The following PAPSS2 variants were observed in gnomAD, a reference collection of about 807,000 sequenced individuals.
PAPSS2 encodes the protein 3'-phosphoadenosine 5'-phosphosulfate synthase 2, also known as bifunctional 3'-phosphoadenosine 5'-phosphosulfate synthase 2.
Under a neutral mutation model 66.5 loss-of-function variants are expected in PAPSS2, and 61 were observed. The ratio of observed to expected loss-of-function variants is 0.92; its 90% CI spans 0.75 to 1.14. The LOEUF is 1.14. Among genes scored for constraint, PAPSS2 ranks in the 50% most tolerant of loss-of-function variants. PAPSS2 has a pLI of 0.00. For missense variants in PAPSS2, 708 were observed against 789.6 expected, an observed-to-expected ratio of 0.90 and a Z score of 1.24; for synonymous variants, 289 against 287.5, an observed-to-expected ratio of 1.01 and a Z score of -0.05.
chr10:87,739,652 T>C (rs1179990120), intron 9 of PAPSS2, among the ~76,000 whole-genome samples: 1 of 152,214 alleles, frequency 6.6e-6, no homozygotes, highest in Non-Finnish European at 1.5e-5. Context: ...AGTTCAAAAC[T>C]GTGTTCATAA....
chr10:87,660,817 A>T, intron 1 of PAPSS2, among the ~76,000 whole-genome samples: 1 of 66,258 alleles, frequency 1.5e-5, no homozygotes, highest in African/African-American at 5.3e-5. Context: ...AAAAAAAAAA[A>T]AAAAAAAAAA....
chr10:87,706,108 A>ATATATGTGTGTG, intron 1 of PAPSS2, among the ~76,000 whole-genome samples: 8 of 52,018 alleles, frequency 1.5e-4, no homozygotes, highest in African/African-American at 8.0e-4. Flanking sequence ...ATATATATAT[A>ATATATGTGTGTG]TGTGTGTGTG....
intron 1 of PAPSS2, among the ~76,000 whole-genome samples, chr10:87,700,613 A>C (rs1853290893): frequency 6.6e-6 from 1 of 151,654 alleles, no homozygotes; most frequent in African/African-American, 2.4e-5. Flanking sequence ...AGCCAGGATC[A>C]CACCACTGCA....
In PAPSS2 at chr10:87,660,395, C is replaced by G. The variant is rs574244275; in HGVS notation, c.27+387C>G. The G allele has an allele frequency of 5.1e-5, 17 of 331,822 alleles. No homozygotes were observed. In the East Asian group the frequency reaches 8.1e-4, roughly 16 times the overall value. The allele number at this position is 331,822 out of a possible 1,614,324, so 20.6% of individuals were successfully genotyped here. On this transcript the variant is annotated intron_variant, in intron 1 of 12. Transcript: ENST00000456849. Reference sequence around the variant, plus strand: ...TCTCGGAGCAGATCGAGCTGACTCCCGTTCTGCCAGGTCTGGTCGCTGGGG... The same window carrying G: ...TCTCGGAGCAGATCGAGCTGACTCCGGTTCTGCCAGGTCTGGTCGCTGGGG...
At chr10:87,724,244 T>A (rs1853630488) in intron 8 of PAPSS2, among the ~76,000 whole-genome samples, 1 of 151,138 alleles carries the variant, frequency 6.6e-6, no homozygotes, top group South Asian at 2.1e-4. Flanking sequence ...TTTAGAAACA[T>A]TTCAAAATAG....
At chr10:87,743,123 G>T (rs756422783) in intron 10 of PAPSS2, among the ~76,000 whole-genome samples, 7 of 151,986 alleles carry the variant, frequency 4.6e-5, no homozygotes, top group African/African-American at 1.7e-4. Context: ...GCACACGCCT[G>T]TAATCCCAGC....
chr10:87,669,196 A>G (rs893834609), intron 1 of PAPSS2, among the ~76,000 whole-genome samples: 1 of 152,168 alleles, frequency 6.6e-6, no homozygotes, highest in Non-Finnish European at 1.5e-5. Context: ...TTGTTTTATT[A>G]AAAAAAGGGA....
chr10:87,738,617 C>T (rs946355838), intron 9 of PAPSS2, among the ~76,000 whole-genome samples: 44 of 152,222 alleles, frequency 2.9e-4, no homozygotes, highest in African/African-American at 1.0e-3. Flanking sequence ...ACCATGTTGC[C>T]CAGGCTGGTC....
intron 10 of PAPSS2, among the ~76,000 whole-genome samples, chr10:87,742,934 C>T (rs549853312): frequency 1.6e-4 from 25 of 152,332 alleles, no homozygotes; most frequent in Admixed American, 1.4e-3. Flanking sequence ...CAGGTGTATT[C>T]TCCAGCTGAT....
At chr10:87,712,884 C>A (rs1481964325) in intron 2 of PAPSS2, among the ~76,000 whole-genome samples, 191 bp from the exon 3 acceptor site, 2 of 152,026 alleles carry the variant, frequency 1.3e-5, no homozygotes, top group African/African-American at 4.8e-5. Context: ...ATAATCCTAA[C>A]ACAGGACAAA....
At chr10:87,685,020 CT>C (rs1180473986) in intron 1 of PAPSS2, among the ~76,000 whole-genome samples, 1 of 152,184 alleles carries the variant, frequency 6.6e-6, no homozygotes, top group African/African-American at 2.4e-5. Flanking sequence ...ATCTCTACCC[CT>C]GGGACTAAAG....
Position 87,727,470 on chromosome 10 carries a change from C to A in PAPSS2, c.1067C>A (p.Thr356Lys). 6.2e-7 allele frequency: 1 copy of A among 1,612,884 alleles called. No individual in the cohort carries two copies. The highest frequency in any genetic ancestry group is 1.1e-5 in the South Asian group (1 of 90,934). Residue 356 changes from threonine to lysine, a missense_variant, in exon 9 of 13, where the codon ACA (threonine) becomes AAA (lysine). Thr to Lys is a moderately conservative substitution (Grantham distance 78). Coordinates refer to ENST00000456849, the MANE Select transcript of PAPSS2 (RefSeq NM_001015880.2). ...TCCCGTGTTTGGGGGACAACATGTA[C>A]AAAACACCCCCATATCAAAGTAAGT... The part of the protein sequence containing the change: ...RCSRVWGTTC[T>K]KHPHIKMVME...
chr10:87,734,501 T>C (rs1042736242), intron 9 of PAPSS2, among the ~76,000 whole-genome samples: 1 of 151,770 alleles, frequency 6.6e-6, no homozygotes, highest in Non-Finnish European at 1.5e-5. Flanking sequence ...ATTTGGGTCT[T>C]GGCTTTGGTA....
chr10:87,690,763 A>G (rs1853162487), intron 1 of PAPSS2, among the ~76,000 whole-genome samples: 1 of 152,224 alleles, frequency 6.6e-6, no homozygotes, highest in African/African-American at 2.4e-5. Flanking sequence ...ACTAAGAGCC[A>G]GACCCTGTGC....
intron 1 of PAPSS2, among the ~76,000 whole-genome samples, chr10:87,661,672 A>G (rs974640182): frequency 3.9e-5 from 6 of 152,168 alleles, no homozygotes; most frequent in Admixed American, 2.6e-4. Flanking sequence ...GGTCATTACA[A>G]ATCAATTGCG....
Position 87,745,151 on chromosome 10 carries a change from C to T in PAPSS2, c.1641C>T (p.Leu547=), listed in dbSNP as rs7918595. 4 of 1,614,154 alleles carry T rather than the reference C, an allele frequency of 2.5e-6. No homozygotes were observed. Among genetic ancestry groups the T allele is most frequent in the East Asian group, 4.5e-5 (2 of 44,858 alleles). ...AGGTCTTGAGCATGGCCCCTGGCCT[C>T]ACCTCTGTGGAAATCATTCCATTCC... ...GGKVLSMAPG[L]TSVEIIPFRV... The change falls in exon 12 of 13, where the codon CTC becomes CTT. Residue 547 remains leucine, a synonymous_variant. Transcript: ENST00000456849.
At chr10:87,698,181 A>T (rs1853259054) in intron 1 of PAPSS2, among the ~76,000 whole-genome samples, 1 of 152,102 alleles carries the variant, frequency 6.6e-6, no homozygotes, top group Non-Finnish European at 1.5e-5. Context: ...TCTGTGGTTT[A>T]TTTCCTACTA....
At chr10:87,706,102 A>ATGTG (rs1305933544) in intron 1 of PAPSS2, among the ~76,000 whole-genome samples, 2 of 78,314 alleles carry the variant, frequency 2.6e-5, no homozygotes, top group South Asian at 5.5e-4. Context: ...ATATATATAT[A>ATGTG]TATATATGTG....
chr10:87,666,113 A>G (rs980727020), intron 1 of PAPSS2, among the ~76,000 whole-genome samples: 1 of 151,524 alleles, frequency 6.6e-6, no homozygotes, highest in Non-Finnish European at 1.5e-5. Context: ...ACAGGTGTGC[A>G]CCACCACACC....
Sources: allele counts gnomAD v4.1 joint callset (sites outside exome capture counted in the v4.1 genomes callset), GRCh38; gene constraint gnomAD v4.1.1; transcripts MANE v1.5; gene names NCBI Gene and HGNC (gene_info 2026-07-23, HGNC 2026-07-21).